The following PDE3A variants were observed in gnomAD, a reference collection of about 807,000 sequenced individuals.
PDE3A encodes the protein phosphodiesterase 3A.
PDE3A carries 43 observed loss-of-function variants against 98.3 expected under a neutral mutation model. That is an observed-to-expected ratio of 0.44 (90% CI 0.34 to 0.56). PDE3A has a LOEUF of 0.56. PDE3A is among the 20% of genes least tolerant of loss of function. The probability of loss-of-function intolerance (pLI) is 0.01; values close to 1 mark genes in which losing one functional copy is unlikely to be tolerated. For synonymous variants in PDE3A, 663 were observed against 567.9 expected, an observed-to-expected ratio of 1.17 and a Z score of -2.38; for missense variants, 1,427 against 1,440.7, an observed-to-expected ratio of 0.99 and a Z score of 0.15.
chr12:20,553,903 G>T (rs1942288557), intron 1 of PDE3A, among the ~76,000 whole-genome samples: 1 of 151,850 alleles, frequency 6.6e-6, no homozygotes, highest in Non-Finnish European at 1.5e-5. Flanking sequence ...CACCGGATGG[G>T]TGCTTGGGAA....
intron 1 of PDE3A, among the ~76,000 whole-genome samples, chr12:20,431,625 A>G (rs1004699580): frequency 2.4e-4 from 35 of 144,930 alleles, no homozygotes; most frequent in East Asian, 1.1e-3. Context: ...ACACACACGC[A>G]CACACACGCA....
intron 1 of PDE3A, among the ~76,000 whole-genome samples, chr12:20,522,542 T>C (rs1049961552): frequency 1.3e-5 from 2 of 152,136 alleles, no homozygotes; most frequent in African/African-American, 4.8e-5. Context: ...AGTGTGTAGC[T>C]TTTGGGGTGT....
intron 15 of PDE3A, among the ~76,000 whole-genome samples, chr12:20,668,106 A>G (rs994879436): frequency 4.6e-5 from 7 of 152,298 alleles, no homozygotes; most frequent in Non-Finnish European, 8.8e-5. Flanking sequence ...CTGGAAAATC[A>G]GGTCACTCCC....
chr12:20,463,014 C>T (rs1383721267), intron 1 of PDE3A, among the ~76,000 whole-genome samples: 1 of 152,058 alleles, frequency 6.6e-6, no homozygotes, highest in African/African-American at 2.4e-5. Flanking sequence ...TCAAACAATC[C>T]TCTTGTCTTG....
intron 1 of PDE3A, among the ~76,000 whole-genome samples, chr12:20,513,033 T>C (rs1382100535): frequency 6.6e-6 from 1 of 152,088 alleles, no homozygotes; most frequent in Non-Finnish European, 1.5e-5. Context: ...TATTTCTGCT[T>C]TGCCAAAGGA....
Position 20,498,281 on chromosome 12 carries a change from C to A in PDE3A, c.961-58379C>A, listed in dbSNP as rs563552657. Among the ~76,000 whole-genome samples the A allele has an allele frequency of 1.2e-3, 179 of 152,166 alleles. 1 individual carries two copies. The highest frequency in any genetic ancestry group is 3.8e-3 in the African/African-American group (157 of 41,514). Reference sequence around the variant, plus strand: ...GATTAAAATATACCGCCCACCCCCCCAACTGAAGGAAATGTAGGAACTCTG... The same window carrying A: ...GATTAAAATATACCGCCCACCCCCCAAACTGAAGGAAATGTAGGAACTCTG... On this transcript the variant is annotated intron_variant, in intron 1 of 15. Transcript: ENST00000359062.
chr12:20,668,428 T>A (rs1945379161), intron 15 of PDE3A, among the ~76,000 whole-genome samples: 1 of 152,006 alleles, frequency 6.6e-6, no homozygotes, highest in Admixed American at 6.5e-5. Context: ...AGCAGTAACC[T>A]CTGCAGACTT....
chr12:20,565,322 T>C (rs186022460), intron 2 of PDE3A, among the ~76,000 whole-genome samples: 1 of 152,168 alleles, frequency 6.6e-6, no homozygotes. Flanking sequence ...GGAAATAATT[T>C]TTATCTCACG....
chr12:20,393,887 C>T (rs1943963274), intron 1 of PDE3A, among the ~76,000 whole-genome samples: 1 of 151,976 alleles, frequency 6.6e-6, no homozygotes, highest in African/African-American at 2.4e-5. Context: ...CTGATATGTT[C>T]TCTCTAGGGC....
chr12:20,404,794 C>G (rs1213759463), intron 1 of PDE3A, among the ~76,000 whole-genome samples: 1 of 146,722 alleles, frequency 6.8e-6, no homozygotes, highest in East Asian at 2.0e-4. Flanking sequence ...TGCCAGGGAC[C>G]ATTGCCATTC....
At chr12:20,652,620 GT>G (rs1944947683) in intron 14 of PDE3A, among the ~76,000 whole-genome samples, 1 of 151,974 alleles carries the variant, frequency 6.6e-6, no homozygotes, top group African/African-American at 2.4e-5. Flanking sequence ...GGGGTTGTTT[GT>G]TTTTTTCTTG....
chr12:20,577,589 A>C lies in PDE3A; in HGVS notation c.1011+20879A>C, dbSNP rs560526227. On this transcript the variant is annotated intron_variant, in intron 2 of 15. Transcript: ENST00000359062. ...TCAGATTCCAGCTGGCTTAGCCCCAAATGAGCTGGGTAATCTTGGACCAGT... is the reference window on the plus strand; with the variant it reads ...TCAGATTCCAGCTGGCTTAGCCCCACATGAGCTGGGTAATCTTGGACCAGT... 2.6e-5 allele frequency among the ~76,000 whole-genome samples: 4 copies of C among 152,302 alleles called. 1 individual carries two copies. In the South Asian group the frequency reaches 6.2e-4, roughly 24 times the overall value.
At chr12:20,529,495 A>T (rs907624320) in intron 1 of PDE3A, among the ~76,000 whole-genome samples, 5 of 152,178 alleles carry the variant, frequency 3.3e-5, no homozygotes, top group Non-Finnish European at 4.4e-5. Context: ...AGTTAAAATG[A>T]AGTCATTATG....
intron 1 of PDE3A, among the ~76,000 whole-genome samples, chr12:20,434,453 T>A (rs1944748319): frequency 6.6e-6 from 1 of 152,132 alleles, no homozygotes; most frequent in African/African-American, 2.4e-5. Context: ...GAATTAAATG[T>A]TTTTAGAGAG....
chr12:20,370,639 A>G (rs1565527645), intron 1 of PDE3A, among the ~76,000 whole-genome samples: 2 of 151,984 alleles, frequency 1.3e-5, no homozygotes, highest in African/African-American at 4.8e-5. Flanking sequence ...GCAATGAGTG[A>G]TTTTTTTAAC....
intron 2 of PDE3A, among the ~76,000 whole-genome samples, chr12:20,587,374 TTAAA>T (rs1428847330): frequency 7.9e-5 from 12 of 151,884 alleles, no homozygotes; most frequent in African/African-American, 2.9e-4. Flanking sequence ...ACCTCAAAAA[TTAAA>T]TAATAAGTAA....
chr12:20,425,018 A>T (rs189748114), intron 1 of PDE3A, among the ~76,000 whole-genome samples: 27 of 152,346 alleles, frequency 1.8e-4, no homozygotes, highest in African/African-American at 6.0e-4. Context: ...TCTTAGGCAA[A>T]TATGACAGTC....
At chr12:20,573,285 T>C (rs1371529701) in intron 2 of PDE3A, among the ~76,000 whole-genome samples, 1 of 152,108 alleles carries the variant, frequency 6.6e-6, no homozygotes, top group Non-Finnish European at 1.5e-5. Context: ...TTTCTGAGAA[T>C]AGATAATTTA....
At chr12:20,525,574 G>C (rs982229027) in intron 1 of PDE3A, among the ~76,000 whole-genome samples, 3 of 151,818 alleles carry the variant, frequency 2.0e-5, no homozygotes, top group Admixed American at 2.0e-4. Flanking sequence ...TTTGAACAAA[G>C]ACCCTTTAGT....
Sources: gnomAD v4.1 joint callset for allele counts (sites outside exome capture counted in the v4.1 genomes callset) on GRCh38, gnomAD v4.1.1 for gene constraint, MANE v1.5 for transcripts, NCBI Gene and HGNC (gene_info 2026-07-23, HGNC 2026-07-21) for gene names.